Variants in SLX4IP observed in about 807,000 individuals in gnomAD.
SLX4IP encodes the protein protein SLX4IP.
Under a neutral mutation model 32.9 loss-of-function variants are expected in SLX4IP, and 34 were observed. The observed-to-expected ratio is 1.03, with a 90% CI of 0.79 to 1.38. The LOEUF is 1.38. Ranked by LOEUF, SLX4IP falls within the 40% of genes most tolerant of loss-of-function variation. SLX4IP has a pLI of 0.00. For missense variants in SLX4IP, 444 were observed against 479.0 expected (o/e 0.93, Z 0.68); for synonymous variants, 172 against 171.7 (o/e 1.00, Z -0.01).
At chr20:10,617,953 C>G (rs2067057880) in intron 6 of SLX4IP, among the ~76,000 whole-genome samples, 1 of 152,170 alleles carries the variant, frequency 6.6e-6, no homozygotes, top group Non-Finnish European at 1.5e-5. Flanking sequence ...GTATTTCTAA[C>G]TGCATCTCAA....
intron 2 of SLX4IP, among the ~76,000 whole-genome samples, chr20:10,528,228 G>C (rs1387420500): frequency 6.6e-6 from 1 of 152,078 alleles, no homozygotes; most frequent in Non-Finnish European, 1.5e-5. Context: ...CAACTTTTCT[G>C]AAATTTGAAA....
chr20:10,441,890 G>A (rs2065162701), intron 1 of SLX4IP, among the ~76,000 whole-genome samples: 1 of 152,096 alleles, frequency 6.6e-6, no homozygotes. Flanking sequence ...CTTTTGTTAA[G>A]TTTGTGATTC....
intron 2 of SLX4IP, among the ~76,000 whole-genome samples, chr20:10,509,008 G>A (rs1008553458): frequency 1.3e-5 from 2 of 152,122 alleles, no homozygotes; most frequent in Admixed American, 6.5e-5. Flanking sequence ...TCATGCTGAG[G>A]TCAGTGCTGC....
At chr20:10,591,981 G>A (rs1242877581) in intron 4 of SLX4IP, among the ~76,000 whole-genome samples, 1 of 152,192 alleles carries the variant, frequency 6.6e-6, no homozygotes, top group Non-Finnish European at 1.5e-5. Context: ...AGGGTGACAG[G>A]CAGAAAATGG....
chr20:10,556,251 C>T lies in SLX4IP; in HGVS notation c.48C>T (p.Leu16=), dbSNP rs1375672900. The T allele has an allele frequency of 8.1e-6, 13 of 1,613,464 alleles. No homozygotes were observed. Among genetic ancestry groups the T allele is most frequent in the East Asian group, 2.2e-5 (1 of 44,846 alleles). Residue 16 remains leucine (L), a synonymous_variant, in exon 3 of 8, where the codon CTC becomes CTT. Transcript: ENST00000334534. ...FAVKCGNFAV[L]VDLHILPQGS... ...TTCAGTGTGGGAATTTTGCTGTCCTCGTGGATCTTCATATCTTGCCACAAG... is the reference window on the plus strand; with the variant it reads ...TTCAGTGTGGGAATTTTGCTGTCCTTGTGGATCTTCATATCTTGCCACAAG...
In SLX4IP at chr20:10,437,444, G is replaced by A. The variant is rs74457290; in HGVS notation, c.-30+1991G>A. ...AAATTAAAGAGCCAGTAAGGAGTAT[G>A]AGAAAACAGAAACAACTTTTACGTT... On this transcript the variant is annotated intron_variant, in intron 1 of 7. Coordinates refer to ENST00000334534, the MANE Select transcript of SLX4IP (RefSeq NM_001009608.3). 5.4e-3 allele frequency among the ~76,000 whole-genome samples: 825 copies of A among 152,314 alleles called. 14 individuals carry two copies. Among genetic ancestry groups the A allele is most frequent in the African/African-American group, 0.017 (716 of 41,550 alleles).
Position 10,560,740 on chromosome 20 carries a change from T to G in SLX4IP, c.158T>G (p.Val53Gly). ...LLLKETIDSR[V>G]QEYLEVRKQH... Reference sequence around the variant, plus strand: ...TTAAAAGAAACCATTGATTCAAGAGTTCAGGAGTACTTGGAAGTTCGCAAA... The same window carrying G: ...TTAAAAGAAACCATTGATTCAAGAGGTCAGGAGTACTTGGAAGTTCGCAAA... Residue 53 changes from valine to glycine, a missense_variant, in exon 4 of 8, where the codon GTT becomes GGT. Val to Gly is a moderately radical substitution (Grantham distance 109, BLOSUM62 -3). Coordinates refer to ENST00000334534, the MANE Select transcript of SLX4IP (RefSeq NM_001009608.3). 1 of 1,606,010 alleles carries G rather than the reference T, an allele frequency of 6.2e-7. No homozygotes were observed. The highest frequency in any genetic ancestry group is 8.5e-7 in the Non-Finnish European group (1 of 1,175,912).
intron 2 of SLX4IP, among the ~76,000 whole-genome samples, chr20:10,509,652 T>C (rs986334386): frequency 6.6e-6 from 1 of 151,968 alleles, no homozygotes; most frequent in Admixed American, 6.6e-5. Context: ...TTTACAGTGG[T>C]GAAAAAATGG....
At chr20:10,547,136 G>T (rs998815046) in intron 2 of SLX4IP, among the ~76,000 whole-genome samples, 18 of 152,154 alleles carry the variant, frequency 1.2e-4, no homozygotes, top group Admixed American at 6.5e-5. Flanking sequence ...AGCACTCTGG[G>T]TCAAAACTCA....
chr20:10,509,471 C>G (rs558371825), intron 2 of SLX4IP, among the ~76,000 whole-genome samples: 2 of 152,258 alleles, frequency 1.3e-5, no homozygotes, highest in East Asian at 3.9e-4. Flanking sequence ...AGTTGGACAG[C>G]CTTGGCAACA....
chr20:10,556,140 G>T, intron 2 of SLX4IP, 91 bp from the exon 3 acceptor site: 1 of 1,192,632 alleles, frequency 8.4e-7, no homozygotes, highest in South Asian at 1.4e-5. Context: ...ATTTCATCAT[G>T]AGCAACCACA....
At chr20:10,577,897 CTTG>C (rs2066539451) in intron 4 of SLX4IP, among the ~76,000 whole-genome samples, 1 of 152,178 alleles carries the variant, frequency 6.6e-6, no homozygotes, top group South Asian at 2.1e-4. Flanking sequence ...ATTGTAGCCT[CTTG>C]TTGTTTACCA....
intron 1 of SLX4IP, among the ~76,000 whole-genome samples, chr20:10,439,208 CG>C (rs1167299721): frequency 1.4e-4 from 21 of 151,946 alleles, no homozygotes; most frequent in African/African-American, 2.4e-4. Flanking sequence ...TAATTAAAAA[CG>C]TTTTTTTCTT....
At chr20:10,492,854 T>G (rs1227213962) in intron 2 of SLX4IP, among the ~76,000 whole-genome samples, 1 of 152,258 alleles carries the variant, frequency 6.6e-6, no homozygotes, top group African/African-American at 2.4e-5. Context: ...CCCGTTGAAG[T>G]GTAATGTTCC....
At chr20:10,556,812 T>C (rs1249206009) in intron 3 of SLX4IP, among the ~76,000 whole-genome samples, 1 of 152,204 alleles carries the variant, frequency 6.6e-6, no homozygotes, top group Non-Finnish European at 1.5e-5. Flanking sequence ...CGGTGTTCCT[T>C]CTCACAATGG....
Position 10,435,428 on chromosome 20 carries a change from G to C in SLX4IP, c.-55G>C, listed in dbSNP as rs2065101115. 1 of 152,182 alleles carries C rather than the reference G, an allele frequency of 6.6e-6. No individual in the cohort carries two copies. The highest frequency in any genetic ancestry group is 6.5e-5 in the Admixed American group (1 of 15,276). 9.4% of individuals were successfully genotyped at this position (152,182 alleles called of 1,614,324 possible). A position where few individuals can be genotyped will look rare whatever the true frequency, so the allele number is the denominator to read the frequency against. Reference sequence around the variant, plus strand: ...GACAGTAACAAAACATATAAAGCCCGAGCCCAAACCCCGCCACCATCATAG... The same window carrying C: ...GACAGTAACAAAACATATAAAGCCCCAGCCCAAACCCCGCCACCATCATAG... On this transcript the variant is annotated 5_prime_UTR_variant, in exon 1 of 8. Coordinates refer to ENST00000334534, the MANE Select transcript of SLX4IP (RefSeq NM_001009608.3).
At chr20:10,479,352 CTTT>C (rs764474218) in intron 2 of SLX4IP, among the ~76,000 whole-genome samples, 1 of 73,704 alleles carries the variant, frequency 1.4e-5, no homozygotes, top group African/African-American at 3.9e-5. Flanking sequence ...TTCCATATTT[CTTT>C]TTTTTTTTTT....
chr20:10,507,943 A>G lies in SLX4IP; in HGVS notation c.28-48288A>G, dbSNP rs1485140403. Among the ~76,000 whole-genome samples, 8 of 151,346 alleles carry G rather than the reference A, an allele frequency of 5.3e-5. No individual in the cohort carries two copies. In the South Asian group the frequency reaches 1.5e-3, roughly 28 times the overall value. On this transcript the variant is annotated intron_variant, in intron 2 of 7. Transcript: ENST00000334534. ...ATACATATATGTATATTTGAGATAT[A>G]TATACACATATGTGTATATTTGATA...
chr20:10,441,368 T>C lies in SLX4IP; in HGVS notation c.-30+5915T>C, dbSNP rs564692799. 1.4e-4 allele frequency among the ~76,000 whole-genome samples: 22 copies of C among 151,994 alleles called. No homozygotes were observed. The East Asian group carries it at 4.1e-3, about 28-fold the overall frequency. On this transcript the variant is annotated intron_variant, in intron 1 of 7. Coordinates refer to ENST00000334534, the MANE Select transcript of SLX4IP (RefSeq NM_001009608.3). ...GGAGGATCACTTGAACCTGGGGAGG[T>C]TGAGGTTTCAGTGAGCCGTGATCAC...
Sources: allele counts gnomAD v4.1 joint callset (sites outside exome capture counted in the v4.1 genomes callset), GRCh38; gene constraint gnomAD v4.1.1; transcripts MANE v1.5; gene names NCBI Gene and HGNC (gene_info 2026-07-23, HGNC 2026-07-21).